RANBP2: variants seen among roughly 807,000 people sequenced by gnomAD.
The protein encoded by RANBP2 is E3 SUMO-protein ligase RanBP2.
In RANBP2, 57 loss-of-function variants were observed where a neutral mutation model predicts 303.6. That is an observed-to-expected ratio of 0.19 (90% CI 0.15 to 0.23). The LOEUF (loss-of-function observed/expected upper bound fraction) is 0.23, where lower values mean the gene tolerates loss of function less well. RANBP2 is among the 10% of genes least tolerant of loss of function. RANBP2 has a pLI of 1.00. For missense variants in RANBP2, 3,138 were observed against 3,780.8 expected (o/e 0.83, Z 4.46); for synonymous variants, 1,167 against 1,301.5 (o/e 0.90, Z 2.23).
At chr2:109,441,105 C>G in the RANBP2 span, among the ~76,000 whole-genome samples, 1 of 119,356 alleles carries the variant, frequency 8.4e-6, no homozygotes, top group Non-Finnish European at 1.7e-5. Flanking sequence ...TGTCCCAGAA[C>G]AAAGCTTAAG....
the RANBP2 span, among the ~76,000 whole-genome samples, chr2:109,211,687 C>T: frequency 6.6e-6 from 1 of 150,816 alleles, no homozygotes; most frequent in Non-Finnish European, 1.5e-5. Context: ...CTCTGTCACC[C>T]AGGGTGGAGT....
In RANBP2 at chr2:108,748,525, A is replaced by G. The variant is rs548827846; in HGVS notation, c.1064-395A>G. On this transcript the variant is annotated intron_variant, in intron 8 of 28. Coordinates refer to ENST00000283195, the MANE Select transcript of RANBP2 (RefSeq NM_006267.5). ...CATGAGCCACCGTGCCCAGCCGGAA[A>G]TAATTCTTAAAAGCTGTTTAAAGGA... Among the ~76,000 whole-genome samples the G allele has an allele frequency of 1.2e-4, 19 of 152,096 alleles. No individual in the cohort carries two copies. In the East Asian group the frequency reaches 3.5e-3, roughly 28 times the overall value.
chr2:109,452,719 G>A, the RANBP2 span, among the ~76,000 whole-genome samples: 1 of 152,172 alleles, frequency 6.6e-6, no homozygotes, highest in Non-Finnish European at 1.5e-5. Context: ...GCTGGTTCCC[G>A]GGAGGCTTGT....
chr2:109,590,811 CT>C, the RANBP2 span, among the ~76,000 whole-genome samples: 1 of 152,274 alleles, frequency 6.6e-6, no homozygotes, highest in East Asian at 1.9e-4. Flanking sequence ...CCAGTTCTCC[CT>C]TGCTGGCTTT....
At chr2:108,752,125 G>C in intron 12 of RANBP2, 131 bp downstream of exon 12, 1 of 1,534,368 alleles carries the variant, frequency 6.5e-7, no homozygotes, top group Non-Finnish European at 8.8e-7. Context: ...GTTTTTTATT[G>C]CTGCAAAATA....
At chr2:108,832,518 T>C in the RANBP2 span, among the ~76,000 whole-genome samples, 2 of 152,100 alleles carry the variant, frequency 1.3e-5, no homozygotes, top group African/African-American at 2.4e-5. Context: ...CAGCTAATTT[T>C]GTATTTTTAG....
chr2:109,709,995 G>A, the RANBP2 span, among the ~76,000 whole-genome samples: 5 of 151,694 alleles, frequency 3.3e-5, no homozygotes, highest in Non-Finnish European at 1.5e-5. Context: ...GCTGAGACAG[G>A]AGAATTGCTT....
At chr2:108,721,059 AAAAC>A (rs1027173971) in intron 1 of RANBP2, among the ~76,000 whole-genome samples, 12 of 152,170 alleles carry the variant, frequency 7.9e-5, no homozygotes, top group Non-Finnish European at 1.8e-4. Context: ...AACAAAAACA[AAAAC>A]AAAAAAAACC....
At chr2:109,488,969 C>G in the RANBP2 span, among the ~76,000 whole-genome samples, 1 of 152,190 alleles carries the variant, frequency 6.6e-6, no homozygotes, top group African/African-American at 2.4e-5. Flanking sequence ...CTCCTGAAAT[C>G]ACCCAGAACT....
At chr2:109,220,768 A>C in the RANBP2 span, among the ~76,000 whole-genome samples, 1 of 152,194 alleles carries the variant, frequency 6.6e-6, no homozygotes, top group Non-Finnish European at 1.5e-5. Flanking sequence ...AGAAGATAAT[A>C]AGGGTTAGGA....
chr2:108,873,367 C>T, the RANBP2 span: 3 of 1,171,790 alleles, frequency 2.6e-6, no homozygotes, highest in Non-Finnish European at 3.4e-6. Context: ...TTATAAATGC[C>T]TCACATAGTT....
the RANBP2 span, among the ~76,000 whole-genome samples, chr2:109,078,226 GTGTA>G: frequency 0.056 from 2,454 of 43,644 alleles, 401 homozygotes; most frequent in Non-Finnish European, 0.078. Flanking sequence ...TATATATAGC[GTGTA>G]TATATATATA....
chr2:109,614,257 G>T, the RANBP2 span: 1 of 729,488 alleles, frequency 1.4e-6, no homozygotes, highest in Non-Finnish European at 1.8e-6. Flanking sequence ...GAGACAGCGG[G>T]GAGCGGAAGT....
the RANBP2 span, among the ~76,000 whole-genome samples, chr2:109,106,445 C>T: frequency 5.3e-5 from 8 of 152,198 alleles, no homozygotes; most frequent in Non-Finnish European, 1.0e-4. Context: ...CAAGTGTCCT[C>T]CAACGAGTGG....
chr2:109,032,078 T>C, the RANBP2 span, among the ~76,000 whole-genome samples: 2 of 152,078 alleles, frequency 1.3e-5, no homozygotes, highest in East Asian at 3.9e-4. Flanking sequence ...TTCCCTTTCT[T>C]CGGAGCTTTG....
chr2:109,407,705 A>T, the RANBP2 span, among the ~76,000 whole-genome samples: 11 of 151,876 alleles, frequency 7.2e-5, no homozygotes, highest in African/African-American at 2.7e-4. Flanking sequence ...TACATGCCTT[A>T]TAGGGAGGCA....
At chr2:109,077,809 A>G in the RANBP2 span, among the ~76,000 whole-genome samples, 1 of 149,726 alleles carries the variant, frequency 6.7e-6, no homozygotes, top group East Asian at 1.9e-4. Context: ...ATGAGATAAC[A>G]AGTGTTGGTG....
At chr2:109,192,386 G>T in the RANBP2 span, among the ~76,000 whole-genome samples, 7 of 152,208 alleles carry the variant, frequency 4.6e-5, 1 homozygote, top group East Asian at 1.3e-3. Context: ...AAAATGTGGA[G>T]TATTTATAGC....
the RANBP2 span, chr2:109,503,843 C>A: frequency 1.3e-5 from 2 of 152,198 alleles, no homozygotes; most frequent in Admixed American, 6.5e-5. Flanking sequence ...GTGCTTCACC[C>A]TCCTGGTGGG....
Sources: gnomAD v4.1 joint callset for allele counts (sites outside exome capture counted in the v4.1 genomes callset) on GRCh38, gnomAD v4.1.1 for gene constraint, MANE v1.5 for transcripts, NCBI Gene and HGNC (gene_info 2026-07-23, HGNC 2026-07-21) for gene names.